LAMA5: variants seen among roughly 807,000 people sequenced by gnomAD.
LAMA5 encodes the protein laminin subunit alpha 5.
A neutral mutation model predicts 433.4 loss-of-function variants in LAMA5; 260 were observed. The ratio of observed to expected loss-of-function variants is 0.60; its 90% CI spans 0.54 to 0.66. LAMA5 has a LOEUF of 0.66. LAMA5 is among the 30% of genes least tolerant of loss of function. The pLI is 0.00. For synonymous variants in LAMA5, 2,620 were observed against 2,226.6 expected (o/e 1.18, Z -4.97); for missense variants, 5,378 against 5,258.5 (o/e 1.02, Z -0.70).
In LAMA5 at chr20:62,338,376, G is replaced by A; in HGVS notation, c.1619-7C>T. The stretch of plus-strand genomic sequence containing the variant: ...GGGCTGGAACACTGGCAGGCTGCAG[G>A]AAAGGGTGGCCCACATGCTTGGTCA... On this transcript the variant is annotated splice_polypyrimidine_tract_variant and splice_region_variant and intron_variant, in intron 12 of 79. Transcript: ENST00000252999. 1 of 1,607,362 alleles carries A rather than the reference G, an allele frequency of 6.2e-7. No homozygotes were observed. Among genetic ancestry groups the A allele is most frequent in the Non-Finnish European group, 8.5e-7 (1 of 1,176,972 alleles).
chr20:62,325,515 G>C lies in LAMA5; in HGVS notation c.5330C>G (p.Thr1777Ser). The stretch of plus-strand genomic sequence containing the variant: ...CATCATGAGCTCCTCGCGGGACACA[G>C]TGTTGCGCGTCTCCGTATGCCGGAA... ...GNFRHTETRN[T>S]VSREELMMVL... Residue 1777 changes from threonine (T) to serine (S), a missense_variant, in exon 41 of 80, where the codon ACT becomes AGT. By Grantham distance (58) the Thr-to-Ser change is moderately conservative. Coordinates refer to ENST00000252999, the MANE Select transcript of LAMA5 (RefSeq NM_005560.6). The C allele has an allele frequency of 6.2e-7, 1 of 1,611,738 alleles. No homozygotes were observed. Among genetic ancestry groups the C allele is most frequent in the Non-Finnish European group, 8.5e-7 (1 of 1,179,304 alleles).
chr20:62,323,359 A>T, intron 45 of LAMA5, 97 bp downstream of exon 45: 1 of 1,023,034 alleles, frequency 9.8e-7, no homozygotes, highest in Non-Finnish European at 1.4e-6. Flanking sequence ...GGGCCCCAGC[A>T]TCAGGCACAC....
intron 3 of LAMA5, 142 bp downstream of exon 3, chr20:62,352,992 C>G (rs1180966177): frequency 1.1e-5 from 7 of 621,732 alleles, no homozygotes; most frequent in African/African-American, 1.9e-5. Context: ...GCCTTCGGGT[C>G]CTCGTCTGAC....
chr20:62,362,446 C>A lies in LAMA5; in HGVS notation c.404G>T (p.Arg135Leu). ...GTTGACCTCGTTGTACTCCAGGCCG[C>A]GGGACAGCGGTGGACTCTGCCACCA... is the stretch of plus-strand genomic sequence containing the variant. ...ERWWQSPPLS[R>L]GLEYNEVNVT... The change falls in exon 2 of 80, where the codon CGC becomes CTC. Residue 135 changes from arginine to leucine, a missense_variant. Transcript: ENST00000252999. The A allele has an allele frequency of 6.3e-7, 1 of 1,588,910 alleles. No individual in the cohort carries two copies. The highest frequency in any genetic ancestry group is 8.6e-7 in the Non-Finnish European group (1 of 1,164,474).
In LAMA5 at chr20:62,312,489, C is replaced by T. The variant is rs369953075; in HGVS notation, c.9271G>A (p.Val3091Ile). The T allele has an allele frequency of 2.8e-5, 44 of 1,598,472 alleles. No individual in the cohort carries two copies. The highest frequency in any genetic ancestry group is 7.7e-5 in the South Asian group (7 of 91,034). The change falls in exon 68 of 80, where the codon GTC (valine) becomes ATC (isoleucine). Residue 3091 changes from valine (V) to isoleucine (I), a missense_variant. Coordinates refer to ENST00000252999, the MANE Select transcript of LAMA5 (RefSeq NM_005560.6). ...TTGCCCAGGGCCTTGATGCCTTTGACGCAGCCACGGACTGAGCCTCCGGTG... is the reference window on the plus strand; with the variant it reads ...TTGCCCAGGGCCTTGATGCCTTTGATGCAGCCACGGACTGAGCCTCCGGTG... ...FPTGGSVRGC[V>I]KGIKALGKYV...
Position 62,332,569 on chromosome 20 carries a change from G to T in LAMA5, c.3431C>A (p.Pro1144His). 1.9e-6 allele frequency: 3 copies of T among 1,595,196 alleles called. No individual in the cohort carries two copies. Among genetic ancestry groups the T allele is most frequent in the Non-Finnish European group, 2.6e-6 (3 of 1,168,638 alleles). Reference sequence around the variant, plus strand: ...GGCTCCCACTCACCTGTACAGGCAGGGGTGCAGGGAGAGCAGCCCCTGCTG... The same window carrying T: ...GGCTCCCACTCACCTGTACAGGCAGTGGTGCAGGGAGAGCAGCCCCTGCTG... ...APQQGLLSLH[P>H]CLYSTLCRGT... Residue 1144 changes from proline to histidine, a missense_variant, in exon 27 of 80, where the codon CCC (proline) becomes CAC (histidine). Pro to His is a moderately conservative substitution (Grantham distance 77). Transcript: ENST00000252999.
Position 62,357,471 on chromosome 20 carries a change from CT to C in LAMA5, c.451-4221del, listed in dbSNP as rs1426815783. The stretch of plus-strand genomic sequence containing the variant: ...GTGCCTCCCCTCGAAGAGACCCCAT[CT>C]GGAAACGTAGATAAGCCCCACAGCA... On this transcript the variant is annotated intron_variant, in intron 2 of 79. Coordinates refer to ENST00000252999, the MANE Select transcript of LAMA5 (RefSeq NM_005560.6). Among the ~76,000 whole-genome samples the C allele has an allele frequency of 2.0e-5, 3 of 152,300 alleles. No individual in the cohort carries two copies. In the South Asian group the frequency reaches 6.2e-4, roughly 32 times the overall value.
At chr20:62,353,453 G>C (rs555835765) in intron 2 of LAMA5, 100 of 504,912 alleles carry the variant, frequency 2.0e-4, no homozygotes, top group African/African-American at 1.9e-3. Context: ...ATGAGCCCCC[G>C]GGAACCAGCC....
At position 62,326,941 on chromosome 20, in the gene LAMA5, C is replaced by A. The variant is rs201848989; in HGVS notation, c.5138G>T (p.Arg1713Leu). ...CTGGGTCTCTGAGTGCAGTTCATAA[C>A]GGAGGGTCCCACCGTAGGATGACAC... ...DRVSSYGGTL[R>L]YELHSETQRG... The change falls in exon 39 of 80, where the codon CGT (arginine) becomes CTT (leucine). Residue 1713 changes from arginine to leucine, a missense_variant. Coordinates refer to ENST00000252999, the MANE Select transcript of LAMA5 (RefSeq NM_005560.6). The A allele has an allele frequency of 2.0e-5, 33 of 1,610,438 alleles. No individual in the cohort carries two copies. Among genetic ancestry groups the A allele is most frequent in the Non-Finnish European group, 2.7e-5 (32 of 1,178,174 alleles).
chr20:62,317,442 T>A lies in LAMA5; in HGVS notation c.7414A>T (p.Met2472Leu), dbSNP rs1987071289. ...CTGCCCGCCGGGGAGAAGGTCTGCA[T>A]CCTCTGCAGCAGTGGGGTCCGAGCC... Reference protein sequence around the residue: ...DGARTPLLQRMQTFSPAGSKL... With the variant: ...DGARTPLLQRLQTFSPAGSKL... The change falls in exon 55 of 80, where the codon ATG (methionine) becomes TTG (leucine). Residue 2472 changes from methionine to leucine, a missense_variant. Physicochemically the swap from Met to Leu is conservative, Grantham distance 15. Transcript: ENST00000252999. 6.3e-7 allele frequency: 1 copy of A among 1,599,186 alleles called. No homozygotes were observed. The highest frequency in any genetic ancestry group is 8.5e-7 in the Non-Finnish European group (1 of 1,172,068).
rs1472226519 is a variant in LAMA5, at chr20:62,309,844, AAG to A, written c.10829-11_10829-10del. 1 of 1,611,436 alleles carries A rather than the reference AAG, an allele frequency of 6.2e-7. No homozygotes were observed. Among genetic ancestry groups the A allele is most frequent in the Non-Finnish European group, 8.5e-7 (1 of 1,179,584 alleles). On this transcript the variant is annotated splice_polypyrimidine_tract_variant and intron_variant, in intron 78 of 79. Transcript: ENST00000252999. ...ATTCCCGCTTTTCATCACTGGGAGA[AAG>A]GGGGACTCCTGAGGCCAGGTGGTCC...
chr20:62,317,611 A>G, intron 54 of LAMA5, 51 bp downstream of exon 54: 1 of 1,519,028 alleles, frequency 6.6e-7, no homozygotes, highest in Non-Finnish European at 8.9e-7. Context: ...CGGGCCTGGG[A>G]GGGAGTTGGC....
At chr20:62,347,128 G>T in intron 6 of LAMA5, 100 bp from the exon 7 acceptor site, 1 of 881,040 alleles carries the variant, frequency 1.1e-6, no homozygotes, top group Non-Finnish European at 1.8e-6. Context: ...TCGATGGCTT[G>T]GCTTGCCACA....
intron 38 of LAMA5, 25 bp downstream of exon 38, chr20:62,327,208 C>T: frequency 6.8e-7 from 1 of 1,476,916 alleles, no homozygotes; most frequent in Non-Finnish European, 9.0e-7. Context: ...CAAAGTGCCT[C>T]CCCCAGACCT....
intron 35 of LAMA5, 39 bp from the exon 36 acceptor site, chr20:62,328,049 G>T: frequency 1.2e-6 from 2 of 1,608,892 alleles, no homozygotes; most frequent in Non-Finnish European, 1.7e-6. Flanking sequence ...TCCACCCCAG[G>T]TCACTCACAC....
rs1180843407 is a variant in LAMA5, at chr20:62,333,101, T to C, written c.3271A>G (p.Thr1091Ala). 6.6e-7 allele frequency: 1 copy of C among 1,506,350 alleles called. No individual in the cohort carries two copies. The highest frequency in any genetic ancestry group is 2.3e-5 in the Admixed American group (1 of 42,958). 93.3% of individuals were successfully genotyped at this position (1,506,350 alleles called of 1,614,324 possible). ...SPSHPPLITC[T>A]GSDVDVQLQV... ...CCCAGGACACGCACATCACTGCCCGTGCAGGTGATCAGTGGCGGGTGCGAC... is the reference window on the plus strand; with the variant it reads ...CCCAGGACACGCACATCACTGCCCGCGCAGGTGATCAGTGGCGGGTGCGAC... Residue 1091 changes from threonine to alanine, a missense_variant, in exon 26 of 80, where the codon ACG (threonine) becomes GCG (alanine). Physicochemically the swap from Thr to Ala is moderately conservative, Grantham distance 58 (BLOSUM62 0). Transcript: ENST00000252999.
At position 62,311,676 on chromosome 20, in the gene LAMA5, G is replaced by C; in HGVS notation, c.9744C>G (p.Gly3248=). 1 of 1,591,888 alleles carries C rather than the reference G, an allele frequency of 6.3e-7. No homozygotes were observed. The highest frequency in any genetic ancestry group is 8.5e-7 in the Non-Finnish European group (1 of 1,170,376). The change falls in exon 71 of 80, where the codon GGC becomes GGG. Residue 3248 remains glycine (G), a synonymous_variant. Coordinates refer to ENST00000252999, the MANE Select transcript of LAMA5 (RefSeq NM_005560.6). ...TGTAAATGGTGCCAGACTCAGGCAG[G>C]CCTCCCAGGAGGAGCCTCGGGGGCC... is the stretch of plus-strand genomic sequence containing the variant. ...PEGPPRLLLG[G]LPESGTIYNF...
rs375957300 is a variant in LAMA5 at position 62,323,545 on chromosome 20, C to T, written c.5975G>A (p.Arg1992His). ...CCCAGTGGTGTGGCGCAGGCAGCCACGGCAGGCGCCCGTCAGGGGGTCGCA... is the reference window on the plus strand; with the variant it reads ...CCCAGTGGTGTGGCGCAGGCAGCCATGGCAGGCGCCCGTCAGGGGGTCGCA... ...SDCDPLTGAC[R>H]GCLRHTTGPR... Residue 1992 changes from arginine (R) to histidine (H), a missense_variant, in exon 45 of 80, where the codon CGT (arginine) becomes CAT (histidine). Transcript: ENST00000252999. 5.0e-5 allele frequency: 80 copies of T among 1,589,784 alleles called. No homozygotes were observed. The highest frequency in any genetic ancestry group is 2.0e-4 in the Admixed American group (11 of 55,246).
intron 2 of LAMA5, among the ~76,000 whole-genome samples, chr20:62,357,218 G>C (rs1363125461): frequency 1.2e-4 from 18 of 152,200 alleles, no homozygotes; most frequent in Admixed American, 1.2e-3. Flanking sequence ...TGCTGGGTGA[G>C]GGCCAGTCAG....
Sources: allele counts gnomAD v4.1 joint callset (sites outside exome capture counted in the v4.1 genomes callset), GRCh38; gene constraint gnomAD v4.1.1; transcripts MANE v1.5; gene names NCBI Gene and HGNC (gene_info 2026-07-23, HGNC 2026-07-21).